The following PARM1 variants were observed in gnomAD, a reference collection of about 807,000 sequenced individuals.
PARM1 encodes WSC4, cell wall integrity and stress response component 4 homolog.
In PARM1, 14 loss-of-function variants were observed where a neutral mutation model predicts 24.6. That is an observed-to-expected ratio of 0.57 (90% CI 0.38 to 0.89). PARM1 has a LOEUF of 0.89. Among genes scored for constraint, PARM1 ranks in the 40% least tolerant of loss-of-function variants. The pLI, the probability that PARM1 is intolerant of heterozygous loss-of-function variation, is 0.00. For missense variants in PARM1, 362 were observed against 380.4 expected (o/e 0.95, Z 0.40); for synonymous variants, 179 against 156.6 (o/e 1.14, Z -1.07).
chr4:75,003,875 A>T (rs926663518), intron 1 of PARM1, among the ~76,000 whole-genome samples: 4 of 152,048 alleles, frequency 2.6e-5, no homozygotes, highest in African/African-American at 9.7e-5. Flanking sequence ...TTATCATTTT[A>T]ACATTCTCTC....
intron 1 of PARM1, among the ~76,000 whole-genome samples, chr4:74,999,459 T>TA (rs1323620465): frequency 6.6e-6 from 1 of 152,130 alleles, no homozygotes; most frequent in African/African-American, 2.4e-5. Flanking sequence ...CAGGAGACAT[T>TA]AAGCATTAAA....
At chr4:74,950,661 C>T (rs1174807520) in intron 1 of PARM1, among the ~76,000 whole-genome samples, 1 of 152,132 alleles carries the variant, frequency 6.6e-6, no homozygotes, top group East Asian at 1.9e-4. Context: ...AAAGACTCCT[C>T]CCCACAGATA....
At chr4:74,963,598 A>T (rs1721829504) in intron 1 of PARM1, among the ~76,000 whole-genome samples, 1 of 152,234 alleles carries the variant, frequency 6.6e-6, no homozygotes, top group Admixed American at 6.5e-5. Context: ...AATATCTAGA[A>T]TAGGCAAGTC....
chr4:74,973,640 C>A lies in PARM1; in HGVS notation c.44-38785C>A, dbSNP rs192608918. On this transcript the variant is annotated intron_variant, in intron 1 of 3. Coordinates refer to ENST00000307428, the MANE Select transcript of PARM1 (RefSeq NM_015393.4). ...TATCCTTCCCAGGACCCTCTTGCAG[C>A]GGCACAAGCCTAAAGATGGCCATAA... is the stretch of plus-strand genomic sequence containing the variant. Among the ~76,000 whole-genome samples the A allele has an allele frequency of 1.2e-4, 19 of 152,146 alleles. No homozygotes were observed. In the East Asian group the frequency reaches 3.5e-3, roughly 28 times the overall value.
At chr4:75,008,199 A>G (rs1042927984) in intron 1 of PARM1, among the ~76,000 whole-genome samples, 1 of 152,240 alleles carries the variant, frequency 6.6e-6, no homozygotes, top group Admixed American at 6.5e-5. Context: ...GAAGATAACC[A>G]ACATTGTCAT....
chr4:74,989,747 G>C (rs1001558444), intron 1 of PARM1, among the ~76,000 whole-genome samples: 1 of 152,058 alleles, frequency 6.6e-6, no homozygotes, highest in East Asian at 1.9e-4. Flanking sequence ...TCCCCATCCT[G>C]ACTGCTATCT....
intron 1 of PARM1, among the ~76,000 whole-genome samples, chr4:74,987,252 G>T (rs1722375585): frequency 6.6e-6 from 1 of 152,180 alleles, no homozygotes; most frequent in African/African-American, 2.4e-5. Context: ...CACTGGTAAG[G>T]TTCTATTCCT....
chr4:74,956,805 G>C (rs1246902196), intron 1 of PARM1: 2 of 152,152 alleles, frequency 1.3e-5, no homozygotes, highest in African/African-American at 4.8e-5. Flanking sequence ...TTATGATCAG[G>C]CTGTACTGCA....
chr4:75,002,013 G>A (rs1444900860), intron 1 of PARM1, among the ~76,000 whole-genome samples: 2 of 152,204 alleles, frequency 1.3e-5, no homozygotes, highest in African/African-American at 4.8e-5. Context: ...AGAAGGCCAG[G>A]ATGCATTAGC....
At chr4:75,043,899 A>G (rs1377064806) in intron 3 of PARM1, among the ~76,000 whole-genome samples, 2 of 152,302 alleles carry the variant, frequency 1.3e-5, no homozygotes, top group African/African-American at 2.4e-5. Context: ...ACAGAAATAA[A>G]TGTGAGCCTT....
intron 1 of PARM1, among the ~76,000 whole-genome samples, chr4:74,981,746 G>T (rs1363117263): frequency 1.3e-5 from 2 of 151,920 alleles, no homozygotes; most frequent in African/African-American, 4.8e-5. Flanking sequence ...ACAGTGGAAG[G>T]CGCCTGTAAT....
chr4:75,011,083 G>A (rs1245266487), intron 1 of PARM1, among the ~76,000 whole-genome samples: 1 of 152,066 alleles, frequency 6.6e-6, no homozygotes, highest in African/African-American at 2.4e-5. Flanking sequence ...GCCAGATCCT[G>A]AGAGAACTCA....
chr4:75,015,298 C>A (rs952596876), intron 2 of PARM1, among the ~76,000 whole-genome samples: 1 of 152,154 alleles, frequency 6.6e-6, no homozygotes, highest in Non-Finnish European at 1.5e-5. Context: ...AACTCTAGGC[C>A]AGCAGGGTCA....
chr4:75,034,821 T>G (rs1475958435), intron 3 of PARM1: 2 of 152,404 alleles, frequency 1.3e-5, no homozygotes, highest in Non-Finnish European at 2.9e-5. Flanking sequence ...ACCATTTCTA[T>G]GCAAGCTCCT....
intron 1 of PARM1, among the ~76,000 whole-genome samples, chr4:74,966,042 A>G (rs78944796): frequency 0.041 from 6,234 of 152,272 alleles, 411 homozygotes; most frequent in African/African-American, 0.14. Flanking sequence ...TGGGTGAGGG[A>G]GCACATAGCA....
chr4:74,978,208 G>A (rs1041000507), intron 1 of PARM1, among the ~76,000 whole-genome samples: 2 of 152,190 alleles, frequency 1.3e-5, no homozygotes, highest in African/African-American at 4.8e-5. Context: ...TCAGTGTGCT[G>A]TATTCAAGAG....
intron 1 of PARM1, among the ~76,000 whole-genome samples, chr4:74,937,284 G>A (rs1560768979): frequency 6.6e-6 from 1 of 152,222 alleles, no homozygotes; most frequent in Non-Finnish European, 1.5e-5. Flanking sequence ...TGGTTGTGAA[G>A]AGTCACTTGC....
At position 75,000,204 on chromosome 4, in the gene PARM1, G is replaced by A. The variant is rs187965044; in HGVS notation, c.44-12221G>A. Among the ~76,000 whole-genome samples the A allele has an allele frequency of 1.1e-4, 16 of 152,258 alleles. No individual in the cohort carries two copies. In the East Asian group the frequency reaches 2.5e-3, roughly 24 times the overall value. Reference sequence around the variant, plus strand: ...AGTTACAAGAGTTGAGAGCCTTTGGGCCCAGGTTCCAATTAGACAGAGGTT... The same window carrying A: ...AGTTACAAGAGTTGAGAGCCTTTGGACCCAGGTTCCAATTAGACAGAGGTT... On this transcript the variant is annotated intron_variant, in intron 1 of 3. Coordinates refer to ENST00000307428, the MANE Select transcript of PARM1 (RefSeq NM_015393.4).
intron 1 of PARM1, among the ~76,000 whole-genome samples, chr4:74,994,654 C>T (rs1370939927): frequency 6.6e-6 from 1 of 151,978 alleles, no homozygotes; most frequent in Non-Finnish European, 1.5e-5. Flanking sequence ...ACTAAAAATA[C>T]AAACATTAGC....
Sources: gnomAD v4.1 joint callset for allele counts (sites outside exome capture counted in the v4.1 genomes callset) on GRCh38, gnomAD v4.1.1 for gene constraint, MANE v1.5 for transcripts, NCBI Gene and HGNC (gene_info 2026-07-23, HGNC 2026-07-21) for gene names.